TRIM23: variants seen among roughly 807,000 people sequenced by gnomAD.
TRIM23 encodes tripartite motif containing 23.
TRIM23 carries 27 observed loss-of-function variants against 71.0 expected under a neutral mutation model. The observed-to-expected ratio is 0.38, with a 90% confidence interval of 0.28 to 0.52. TRIM23 has a LOEUF of 0.52. TRIM23 is among the 20% of genes least tolerant of loss of function. The pLI is 0.84. For missense variants in TRIM23, 482 were observed against 692.3 expected, an observed-to-expected ratio of 0.70 and a Z score of 3.41; for synonymous variants, 234 against 238.0, an observed-to-expected ratio of 0.98 and a Z score of 0.16.
At chr5:65,609,930 A>C (rs1439798441) in intron 5 of TRIM23, among the ~76,000 whole-genome samples, 5 of 152,124 alleles carry the variant, frequency 3.3e-5, no homozygotes, top group Non-Finnish European at 7.4e-5. Context: ...TTGAAGCAAA[A>C]ACAACCGGAG....
At chr5:65,620,053 C>T (rs528189263) in intron 1 of TRIM23, among the ~76,000 whole-genome samples, 1 of 152,032 alleles carries the variant, frequency 6.6e-6, no homozygotes, top group Non-Finnish European at 1.5e-5. Flanking sequence ...CCACCGCACT[C>T]CAGCCTAGGT....
At chr5:65,605,858 G>C (rs763679921) in intron 6 of TRIM23, among the ~76,000 whole-genome samples, 95 of 152,096 alleles carry the variant, frequency 6.2e-4, no homozygotes, top group Non-Finnish European at 1.5e-4. Flanking sequence ...AGTTGTTCAG[G>C]ACAAACGCTG....
At chr5:65,600,122 A>G (rs1754321398) in intron 7 of TRIM23, among the ~76,000 whole-genome samples, 1 of 152,200 alleles carries the variant, frequency 6.6e-6, no homozygotes, top group African/African-American at 2.4e-5. Context: ...GAACTCACCT[A>G]TTATGGCAAA....
chr5:65,591,904 G>A lies in TRIM23; in HGVS notation c.1590C>T (p.Leu530=). ...ALSVEEITEL[L]SLHKLCCGRS... ...GGCCACAGCATAATTTATGGAGACT[G>A]AGTAGTTCAGTGATTTCTTCTACTG... Residue 530 remains leucine (L), a synonymous_variant, in exon 11 of 11, where the codon CTC becomes CTT. Transcript: ENST00000231524. The A allele has an allele frequency of 6.2e-7, 1 of 1,613,768 alleles. No individual in the cohort carries two copies. Among genetic ancestry groups the A allele is most frequent in the African/African-American group, 1.3e-5 (1 of 74,944 alleles).
intron 5 of TRIM23, among the ~76,000 whole-genome samples, chr5:65,609,976 C>A (rs1754610348): frequency 6.6e-6 from 1 of 152,158 alleles, no homozygotes; most frequent in South Asian, 2.1e-4. Flanking sequence ...GCCCACTAGT[C>A]CCTCAGCAAA....
rs202173776 is a variant in TRIM23, at chr5:65,618,266, A to G, written c.82-11T>C. The G allele has an allele frequency of 6.2e-7, 1 of 1,602,746 alleles. No individual in the cohort carries two copies. The highest frequency in any genetic ancestry group is 1.3e-5 in the African/African-American group (1 of 74,432). On this transcript the variant is annotated splice_polypyrimidine_tract_variant and intron_variant, in intron 1 of 10. Transcript: ENST00000231524. ...TCCACACTCTAGCACCTAATATTTG[A>G]AAAGGAAGGATGTGCTCTTTAAACA...
At position 65,591,891 on chromosome 5, in the gene TRIM23, A is replaced by C; in HGVS notation, c.1603T>G (p.Leu535Val). ...ATATACCAGCTACGGCCACAGCATA[A>C]TTTATGGAGACTGAGTAGTTCAGTG... ...EITELLSLHKLCCGRSWYIQG... is the reference protein window; with the variant it reads ...EITELLSLHKVCCGRSWYIQG... Residue 535 changes from leucine to valine, a missense_variant, in exon 11 of 11, where the codon TTA (leucine) becomes GTA (valine). Leu to Val is a conservative substitution (Grantham distance 32). Around this residue, in one of 2 missense-constraint regions of TRIM23, gnomAD observed 307 missense variants for 495.8 expected, o/e 0.62. Coordinates refer to ENST00000231524, the MANE Select transcript of TRIM23 (RefSeq NM_001656.4). The C allele has an allele frequency of 2.5e-6, 4 of 1,613,938 alleles. No individual in the cohort carries two copies. The highest frequency in any genetic ancestry group is 3.4e-6 in the Non-Finnish European group (4 of 1,179,924).
chr5:65,611,313 G>C (rs915362242), intron 4 of TRIM23, among the ~76,000 whole-genome samples: 1 of 152,030 alleles, frequency 6.6e-6, no homozygotes, highest in Admixed American at 6.5e-5. Flanking sequence ...CATAAATATT[G>C]TCAAAACAAT....
chr5:65,618,895 T>C (rs1429639273), intron 1 of TRIM23, among the ~76,000 whole-genome samples: 4 of 152,202 alleles, frequency 2.6e-5, no homozygotes, highest in Middle Eastern at 3.2e-3. Flanking sequence ...TACAGACACA[T>C]GACTTGCACA....
At chr5:65,598,479 G>A (rs1377992388) in intron 7 of TRIM23, among the ~76,000 whole-genome samples, 1 of 152,222 alleles carries the variant, frequency 6.6e-6, no homozygotes, top group Non-Finnish European at 1.5e-5. Flanking sequence ...GGGCGTGGTG[G>A]CTCATGCCTG....
chr5:65,597,165 T>C lies in TRIM23; in HGVS notation c.1195A>G (p.Ile399Val). The C allele has an allele frequency of 6.2e-7, 1 of 1,614,144 alleles. No individual in the cohort carries two copies. Among genetic ancestry groups the C allele is most frequent in the Non-Finnish European group, 8.5e-7 (1 of 1,179,994 alleles). The change falls in exon 8 of 11, where the codon ATT (isoleucine) becomes GTT (valine). Residue 399 changes from isoleucine (I) to valine (V), a missense_variant. Transcript: ENST00000231524. The part of the protein sequence containing the change: ...VTFTKDNRVH[I>V]GPKMEIRVVT... ...ACCCGAATTTCCATTTTTGGTCCAA[T>C]GTGAACTCGATTATCCTACAATTTA...
At chr5:65,605,891 C>T (rs926164559) in intron 6 of TRIM23, among the ~76,000 whole-genome samples, 1 of 152,180 alleles carries the variant, frequency 6.6e-6, no homozygotes, top group Non-Finnish European at 1.5e-5. Flanking sequence ...CTTTCTCTTT[C>T]CCGCATGCCC....
Position 65,611,037 on chromosome 5 carries a change from C to A in TRIM23, c.652G>T (p.Val218Leu), listed in dbSNP as rs373917270. The stretch of plus-strand genomic sequence containing the variant: ...ATCTGATTAGCTTCTGGTTCCAATA[C>A]TGAATGCTATAAAATGTACCATAAT... ...YGKHQGHKHS[V>L]LEPEANQIRA... Residue 218 changes from valine to leucine, a missense_variant, in exon 5 of 11, where the codon GTA becomes TTA. Val to Leu is a conservative substitution (Grantham distance 32). Around this residue, in one of 2 missense-constraint regions of TRIM23, gnomAD observed 307 missense variants for 495.8 expected, o/e 0.62. Coordinates refer to ENST00000231524, the MANE Select transcript of TRIM23 (RefSeq NM_001656.4). 6.2e-7 allele frequency: 1 copy of A among 1,610,568 alleles called. No individual in the cohort carries two copies. The highest frequency in any genetic ancestry group is 8.5e-7 in the Non-Finnish European group (1 of 1,179,052).
In TRIM23 at chr5:65,624,306, T is replaced by C. The variant is rs1292161763; in HGVS notation, c.-32A>G. The C allele has an allele frequency of 6.2e-6, 10 of 1,609,958 alleles. No homozygotes were observed. Among genetic ancestry groups the C allele is most frequent in the Non-Finnish European group, 8.5e-6 (10 of 1,179,128 alleles). On this transcript the variant is annotated 5_prime_UTR_variant, in exon 1 of 11. Coordinates refer to ENST00000231524, the MANE Select transcript of TRIM23 (RefSeq NM_001656.4). ...AGGGGAAGCGCCACAGAAACAGCCT[T>C]CAGAGTCCTCAACTGAGAGGCGGGG...
rs149629580 is a variant in TRIM23, at chr5:65,591,442, A to G, written c.*327T>C. On this transcript the variant is annotated 3_prime_UTR_variant, in exon 11 of 11. Transcript: ENST00000231524. ...TTTTTCACTGAAAGAATAAACCTTCACTTACCCTTTCTCTGTGACTACCTC... is the reference window on the plus strand; with the variant it reads ...TTTTTCACTGAAAGAATAAACCTTCGCTTACCCTTTCTCTGTGACTACCTC... The G allele has an allele frequency of 4.3e-4, 690 of 1,595,226 alleles. 1 individual carries two copies. In the African/African-American group the frequency reaches 8.3e-3, roughly 19 times the overall value.
At chr5:65,596,389 G>T (rs1581175553) in intron 9 of TRIM23, 32 bp downstream of exon 9, 1 of 1,443,998 alleles carries the variant, frequency 6.9e-7, no homozygotes, top group East Asian at 2.3e-5. Flanking sequence ...TCCTAAAAAT[G>T]TGAAAAATTA....
intron 7 of TRIM23, among the ~76,000 whole-genome samples, chr5:65,597,694 T>A (rs1331575775): frequency 6.6e-6 from 1 of 152,214 alleles, no homozygotes; most frequent in Non-Finnish European, 1.5e-5. Flanking sequence ...ATCCTGTCAA[T>A]ACATATTGAC....
intron 2 of TRIM23, 42 bp downstream of exon 2, chr5:65,618,051 G>T: frequency 1.3e-6 from 2 of 1,521,670 alleles, no homozygotes; most frequent in South Asian, 1.3e-5. Context: ...TGCATTACAT[G>T]AACAATTTTC....
intron 2 of TRIM23, 130 bp from the exon 3 acceptor site, chr5:65,614,349 C>A: frequency 1.1e-6 from 1 of 870,558 alleles, no homozygotes; most frequent in Non-Finnish European, 1.7e-6. Flanking sequence ...CAAATTTTCC[C>A]CATTTTTAAT....
Sources: gnomAD v4.1 joint callset for allele counts (sites outside exome capture counted in the v4.1 genomes callset) on GRCh38, gnomAD v4.1.1 for gene constraint, gnomAD v4.1.1 regional missense constraint, MANE v1.5 for transcripts, NCBI Gene and HGNC (gene_info 2026-07-23, HGNC 2026-07-21) for gene names.